Variants in ZNF385D observed in about 807,000 individuals in gnomAD.
ZNF385D encodes zinc finger protein 659.
A neutral mutation model predicts 35.8 loss-of-function variants in ZNF385D; 15 were observed. The observed-to-expected ratio is 0.42, with a 90% CI of 0.28 to 0.64. The LOEUF is 0.64. ZNF385D is among the 30% of genes least tolerant of loss of function. The probability of loss-of-function intolerance (pLI) is 0.23; values close to 1 mark genes in which losing one functional copy is unlikely to be tolerated. For synonymous variants in ZNF385D, 212 were observed against 186.8 expected (o/e 1.13, Z -1.10); for missense variants, 474 against 494.6 (o/e 0.96, Z 0.39).
At chr3:21,739,377 T>G (rs1406093841) in intron 1 of ZNF385D, among the ~76,000 whole-genome samples, 1 of 152,170 alleles carries the variant, frequency 6.6e-6, no homozygotes, top group Admixed American at 6.5e-5. Flanking sequence ...CTGCCTTGAC[T>G]GTGTGTGTTG....
intron 2 of ZNF385D, among the ~76,000 whole-genome samples, chr3:22,330,608 T>C (rs990565706): frequency 6.6e-6 from 1 of 152,098 alleles, no homozygotes; most frequent in African/African-American, 2.4e-5. Context: ...AATGCTTCAG[T>C]TTTTCTTTAG....
At chr3:21,976,238 A>G (rs1308796270) in intron 3 of ZNF385D, among the ~76,000 whole-genome samples, 1 of 152,240 alleles carries the variant, frequency 6.6e-6, no homozygotes, top group African/African-American at 2.4e-5. Context: ...TGGTAATGAC[A>G]ACACATTTTT....
chr3:22,195,789 T>C (rs1482036662), intron 2 of ZNF385D, among the ~76,000 whole-genome samples: 1 of 151,992 alleles, frequency 6.6e-6, no homozygotes, highest in East Asian at 1.9e-4. Flanking sequence ...CTATCAATGA[T>C]AGACTGGATA....
At chr3:22,276,078 T>G (rs902795986) in intron 2 of ZNF385D, among the ~76,000 whole-genome samples, 4 of 152,046 alleles carry the variant, frequency 2.6e-5, no homozygotes, top group African/African-American at 9.7e-5. Flanking sequence ...GAGTGAGACT[T>G]TGTCTCAAAA....
intron 3 of ZNF385D, among the ~76,000 whole-genome samples, chr3:21,969,896 C>A (rs1474228880): frequency 6.6e-6 from 1 of 152,132 alleles, no homozygotes; most frequent in Non-Finnish European, 1.5e-5. Context: ...AGTAAGGGAG[C>A]AGAACAAGAG....
chr3:21,492,132 A>G (rs1705468423), intron 4 of ZNF385D, among the ~76,000 whole-genome samples: 1 of 152,118 alleles, frequency 6.6e-6, no homozygotes, highest in Non-Finnish European at 1.5e-5. Flanking sequence ...TCTTTTTGCA[A>G]TAAATAAAAA....
At chr3:21,468,129 G>T (rs1191096510) in intron 4 of ZNF385D, among the ~76,000 whole-genome samples, 1 of 152,140 alleles carries the variant, frequency 6.6e-6, no homozygotes, top group African/African-American at 2.4e-5. Context: ...ATGGAGCCAG[G>T]TGTGGTGGCT....
chr3:22,219,465 G>A (rs1320170630), intron 2 of ZNF385D, among the ~76,000 whole-genome samples: 1 of 152,030 alleles, frequency 6.6e-6, no homozygotes, highest in Non-Finnish European at 1.5e-5. Context: ...CTATTCTCCA[G>A]GGAATTATCA....
chr3:22,193,509 T>G (rs1696203188), intron 2 of ZNF385D, among the ~76,000 whole-genome samples: 1 of 152,094 alleles, frequency 6.6e-6, no homozygotes, highest in African/African-American at 2.4e-5. Context: ...AAATATGGGT[T>G]AAATGAATTT....
chr3:21,770,470 C>G (rs2071029270), intron 3 of ZNF385D, among the ~76,000 whole-genome samples: 1 of 152,054 alleles, frequency 6.6e-6, no homozygotes, highest in Non-Finnish European at 1.5e-5. Context: ...TTTATGCAGC[C>G]AAAAGACACA....
chr3:22,329,842 AATT>A (rs1382577482), intron 2 of ZNF385D, among the ~76,000 whole-genome samples: 1 of 152,176 alleles, frequency 6.6e-6, no homozygotes, highest in Non-Finnish European at 1.5e-5. Context: ...TTGACATAAA[AATT>A]ATTGAGATAG....
At chr3:21,914,854 T>A (rs1381672194) in intron 3 of ZNF385D, among the ~76,000 whole-genome samples, 1 of 151,660 alleles carries the variant, frequency 6.6e-6, no homozygotes, top group Non-Finnish European at 1.5e-5. Context: ...AATCCAACAA[T>A]GTTGTGGTAA....
At chr3:22,315,598 T>C (rs548158123) in intron 2 of ZNF385D, among the ~76,000 whole-genome samples, 6 of 152,166 alleles carry the variant, frequency 3.9e-5, no homozygotes, top group African/African-American at 1.4e-4. Context: ...TCACTGACAA[T>C]AGTGTTAAAC....
intron 3 of ZNF385D, among the ~76,000 whole-genome samples, chr3:21,913,059 C>G (rs952301688): frequency 6.6e-6 from 1 of 152,030 alleles, no homozygotes; most frequent in Non-Finnish European, 1.5e-5. Flanking sequence ...TCACTCTGGG[C>G]AAGGGTTCTG....
At chr3:21,905,196 C>CA (rs1245001398) in intron 3 of ZNF385D, among the ~76,000 whole-genome samples, 6 of 7,670 alleles carry the variant, frequency 7.8e-4, no homozygotes, top group East Asian at 1.9e-3. Context: ...GGTCCAGTAA[C>CA]AAAAAATCCA....
At chr3:21,880,191 C>T (rs1384269411) in intron 3 of ZNF385D, among the ~76,000 whole-genome samples, 1 of 151,824 alleles carries the variant, frequency 6.6e-6, no homozygotes, top group East Asian at 1.9e-4. Context: ...TGATCTAGAT[C>T]AGTAGGATCA....
At chr3:22,108,726 T>C (rs1010673750) in intron 3 of ZNF385D, among the ~76,000 whole-genome samples, 1 of 152,116 alleles carries the variant, frequency 6.6e-6, no homozygotes, top group African/African-American at 2.4e-5. Flanking sequence ...AAAAAACATG[T>C]AGCAGGCTAG....
At chr3:21,448,248 G>A (rs1034414525) in intron 4 of ZNF385D, among the ~76,000 whole-genome samples, 5 of 152,106 alleles carry the variant, frequency 3.3e-5, no homozygotes, top group Admixed American at 6.6e-5. Flanking sequence ...GAGGATGGAA[G>A]TATAGAAAAG....
intron 3 of ZNF385D, among the ~76,000 whole-genome samples, chr3:21,831,309 G>A (rs550143144): frequency 2.0e-5 from 3 of 152,106 alleles, no homozygotes; most frequent in South Asian, 2.1e-4. Flanking sequence ...CTTACCTCAC[G>A]GGAATGCTAT....
Sources: gnomAD v4.1 joint callset for allele counts (sites outside exome capture counted in the v4.1 genomes callset) on GRCh38, gnomAD v4.1.1 for gene constraint, MANE v1.5 for transcripts, NCBI Gene and HGNC (gene_info 2026-07-23, HGNC 2026-07-21) for gene names.